LRP1B: variants seen among roughly 807,000 people sequenced by gnomAD.
The protein encoded by LRP1B is low-density lipoprotein receptor-related protein 1B.
LRP1B carries 217 observed loss-of-function variants against 556.6 expected under a neutral mutation model. The ratio of observed to expected loss-of-function variants is 0.39; its 90% CI spans 0.35 to 0.44. The LOEUF (loss-of-function observed/expected upper bound fraction) is 0.44. Ranked by LOEUF, LRP1B falls within the 20% of genes least tolerant of loss-of-function variation. The pLI, the probability that LRP1B is intolerant of heterozygous loss-of-function variation, is 1.00. For synonymous variants in LRP1B, 2,047 were observed against 1,865.8 expected, an observed-to-expected ratio of 1.10 and a Z score of -2.50; for missense variants, 5,053 against 5,620.8, an observed-to-expected ratio of 0.90 and a Z score of 3.23.
At chr2:140,471,644 C>A (rs750907406) in intron 60 of LRP1B, among the ~76,000 whole-genome samples, 4 of 152,152 alleles carry the variant, frequency 2.6e-5, no homozygotes, top group Non-Finnish European at 4.4e-5. Context: ...AACATTTTCT[C>A]CTAAAATATT....
chr2:141,128,889 C>T (rs1701282369), intron 7 of LRP1B, among the ~76,000 whole-genome samples: 1 of 152,144 alleles, frequency 6.6e-6, no homozygotes, highest in Admixed American at 6.6e-5. Context: ...GTTATCACCA[C>T]ATAAGTTATA....
chr2:141,181,642 C>T (rs1444942420), intron 7 of LRP1B, among the ~76,000 whole-genome samples: 4 of 151,846 alleles, frequency 2.6e-5, no homozygotes, highest in African/African-American at 7.2e-5. Context: ...AGTCAAAGAG[C>T]GCAATGAGAG....
At chr2:141,983,764 G>T (rs1161495496) in intron 1 of LRP1B, among the ~76,000 whole-genome samples, 1 of 152,060 alleles carries the variant, frequency 6.6e-6, no homozygotes, top group Non-Finnish European at 1.5e-5. Context: ...AAAAGATGAT[G>T]AAAAAACCCA....
Position 140,492,673 on chromosome 2 carries a change from G to T in LRP1B, c.9055C>A (p.Leu3019Ile). Residue 3019 changes from leucine (L) to isoleucine (I), a missense_variant, in exon 57 of 91, where the codon CTT becomes ATT. Around this residue, in one of 5 missense-constraint regions of LRP1B, gnomAD observed 3,619 missense variants for 3,931.9 expected, o/e 0.92. Transcript: ENST00000389484. ...SLSDEEPFLI[L>I]ADHHEIRKIS... ...TTCCTTATCTCATGATGATCAGCAAGAATTAAAAAAGGTTCTTCATCTAAA... is the reference window on the plus strand; with the variant it reads ...TTCCTTATCTCATGATGATCAGCAATAATTAAAAAAGGTTCTTCATCTAAA... 6.2e-7 allele frequency: 1 copy of T among 1,612,748 alleles called. No homozygotes were observed. Among genetic ancestry groups the T allele is most frequent in the East Asian group, 2.2e-5 (1 of 44,858 alleles).
chr2:141,622,840 C>T (rs1306006261), intron 2 of LRP1B, among the ~76,000 whole-genome samples: 1 of 152,128 alleles, frequency 6.6e-6, no homozygotes, highest in Non-Finnish European at 1.5e-5. Context: ...CTGATCTGAC[C>T]TTAATGTCTA....
intron 3 of LRP1B, among the ~76,000 whole-genome samples, chr2:141,298,849 G>A (rs1360011211): frequency 6.6e-6 from 1 of 151,608 alleles, no homozygotes; most frequent in Non-Finnish European, 1.5e-5. Flanking sequence ...AGCTACTTGG[G>A]AGGCTGAAGC....
chr2:141,893,538 A>T (rs1275081569), intron 1 of LRP1B, among the ~76,000 whole-genome samples: 3 of 152,098 alleles, frequency 2.0e-5, no homozygotes, highest in Non-Finnish European at 4.4e-5. Flanking sequence ...TGTAGACCAA[A>T]TTTTTTTGAA....
intron 43 of LRP1B, among the ~76,000 whole-genome samples, chr2:140,580,613 C>T (rs1681723012): frequency 6.6e-6 from 1 of 151,864 alleles, no homozygotes; most frequent in Admixed American, 6.6e-5. Flanking sequence ...CATGATAGCT[C>T]ATAATAGCTC....
chr2:141,755,498 ATACTT>A lies in LRP1B; in HGVS notation c.205+54776_205+54780del, dbSNP rs1191286432. On this transcript the variant is annotated intron_variant, in intron 2 of 90. Transcript: ENST00000389484. ...ATCATAATGGCAAAAATGAAAATAA[ATACTT>A]TAATATTACTACTCAGTCTTGGCAA... Among the ~76,000 whole-genome samples the A allele has an allele frequency of 3.4e-4, 52 of 152,206 alleles. 1 individual carries two copies. The highest frequency in any genetic ancestry group is 1.8e-4 in the Non-Finnish European group (12 of 67,942).
chr2:142,041,370 C>T (rs1375617), intron 1 of LRP1B, among the ~76,000 whole-genome samples: 6,611 of 151,362 alleles, frequency 0.044, 228 homozygotes, highest in Non-Finnish European at 0.059. Flanking sequence ...AGCAAGATGA[C>T]CTTTCATTAG....
chr2:141,277,025 T>C (rs918002084), intron 3 of LRP1B, among the ~76,000 whole-genome samples: 2 of 152,208 alleles, frequency 1.3e-5, no homozygotes, highest in Non-Finnish European at 2.9e-5. Flanking sequence ...AAATTTTCTT[T>C]ATCTGGTCTA....
chr2:140,233,375 A>G, intron 90 of LRP1B, 49 bp from the exon 91 acceptor site: 1 of 1,348,018 alleles, frequency 7.4e-7, no homozygotes, highest in Non-Finnish European at 1.0e-6. Context: ...TCTTGGCCAC[A>G]TTAATTATTT....
intron 6 of LRP1B, among the ~76,000 whole-genome samples, chr2:141,216,591 C>T (rs991864800): frequency 2.0e-5 from 3 of 152,186 alleles, no homozygotes; most frequent in African/African-American, 4.8e-5. Flanking sequence ...GGAAAAGCCA[C>T]AGGCACTCAA....
chr2:141,661,119 GAAAGC>G lies in LRP1B; in HGVS notation c.205+149155_205+149159del, dbSNP rs1182516504. Among the ~76,000 whole-genome samples the G allele has an allele frequency of 5.3e-5, 8 of 152,190 alleles. No individual in the cohort carries two copies. In the South Asian group the frequency reaches 1.7e-3, roughly 32 times the overall value. On this transcript the variant is annotated intron_variant, in intron 2 of 90. Transcript: ENST00000389484. ...GACTGTTAAAAGAAACAAACAAACA[GAAAGC>G]AACAACAACAGCATCAACAAAATGT...
At chr2:141,248,394 A>C (rs537635367) in intron 4 of LRP1B, among the ~76,000 whole-genome samples, 1 of 152,268 alleles carries the variant, frequency 6.6e-6, no homozygotes, top group South Asian at 2.1e-4. Context: ...GGTATACTCG[A>C]GTTATGATAG....
intron 83 of LRP1B, among the ~76,000 whole-genome samples, chr2:140,310,412 A>G (rs1366526533): frequency 8.5e-6 from 1 of 117,692 alleles, no homozygotes; most frequent in Admixed American, 8.1e-5. Flanking sequence ...TTCATACGGA[A>G]CCAAAAAAAA....
At chr2:140,915,071 AC>A (rs1352526115) in intron 21 of LRP1B, among the ~76,000 whole-genome samples, 1 of 152,174 alleles carries the variant, frequency 6.6e-6, no homozygotes, top group Non-Finnish European at 1.5e-5. Flanking sequence ...TTTCCTGGTG[AC>A]CATCGAAACA....
chr2:141,295,022 G>A (rs1686127948), intron 3 of LRP1B, among the ~76,000 whole-genome samples: 1 of 151,748 alleles, frequency 6.6e-6, no homozygotes, highest in Non-Finnish European at 1.5e-5. Flanking sequence ...TTTCAAAGTA[G>A]CAAAAATATT....
intron 1 of LRP1B, among the ~76,000 whole-genome samples, chr2:141,897,484 T>C (rs1444275774): frequency 2.0e-5 from 3 of 152,108 alleles, no homozygotes; most frequent in Admixed American, 6.6e-5. Context: ...GCTGAATATT[T>C]TACAGAAGCT....
Sources: gnomAD v4.1 joint callset for allele counts (sites outside exome capture counted in the v4.1 genomes callset) on GRCh38, gnomAD v4.1.1 for gene constraint, gnomAD v4.1.1 regional missense constraint, MANE v1.5 for transcripts, NCBI Gene and HGNC (gene_info 2026-07-23, HGNC 2026-07-21) for gene names.